Variants in GTPBP6 observed in about 807,000 individuals in gnomAD.
The protein encoded by GTPBP6 is GTP binding protein 6, also known as putative GTP-binding protein 6.
Under a neutral mutation model 28.9 loss-of-function variants are expected in GTPBP6, and 33 were observed. The ratio of observed to expected loss-of-function variants is 1.14; its 90% CI spans 0.87 to 1.53. GTPBP6 has a LOEUF of 1.53. GTPBP6 is among the 40% of genes most tolerant of loss of function. GTPBP6 has a pLI of 0.00. For synonymous variants in GTPBP6, 231 were observed against 192.7 expected (o/e 1.20, Z -1.65); for missense variants, 507 against 408.3 (o/e 1.24, Z -2.08).
At chrX:314,623 C>A (rs182884892) in intron 4 of GTPBP6, among the ~76,000 whole-genome samples, 99,065 of 151,318 alleles carry the variant, frequency 0.65, 33,499 homozygotes, top group African/African-American at 0.83. Context: ...CAGGCGCCCG[C>A]CACCACGCCC....
intron 8 of GTPBP6, 78 bp from the exon 9 acceptor site, chrX:307,590 GC>G: frequency 6.6e-7 from 1 of 1,507,222 alleles, no homozygotes; most frequent in Non-Finnish European, 9.0e-7. Flanking sequence ...GGAGTCCACT[GC>G]CCACGGGGCA....
chrX:313,370 T>C (rs2070354609), intron 5 of GTPBP6, among the ~76,000 whole-genome samples: 1 of 152,136 alleles, frequency 6.6e-6, no homozygotes, highest in Non-Finnish European at 1.5e-5. Flanking sequence ...ACGACCTGTG[T>C]CCTTCTAAGA....
At chrX:314,706 G>C (rs1455268648) in intron 4 of GTPBP6, among the ~76,000 whole-genome samples, 184 bp downstream of exon 4, 1 of 151,990 alleles carries the variant, frequency 6.6e-6, no homozygotes, top group African/African-American at 2.4e-5. Context: ...TCGATCTCGT[G>C]ACCTCGTGAT....
chrX:314,121 T>C (rs150438092), intron 5 of GTPBP6, 29 bp downstream of exon 5: 115,700 of 1,554,130 alleles, frequency 0.074, 6,354 homozygotes, highest in Admixed American at 0.23. Flanking sequence ...CCGAGGACCC[T>C]CTGGGACGCC....
At chrX:307,387 C>T (rs1032599715) in exon 9 of GTPBP6, 41 of 1,612,402 alleles carry the variant, frequency 2.5e-5, no homozygotes, top group Non-Finnish European at 2.9e-5. Flanking sequence ...GAGCCTCACA[C>T]GGAGAGTGAG....
intron 5 of GTPBP6, 149 bp from the exon 6 acceptor site, chrX:313,073 A>G: frequency 1.5e-6 from 1 of 652,714 alleles, no homozygotes. Context: ...CGGCCCCGAC[A>G]CGTCCTGTTC....
intron 9 of GTPBP6, among the ~76,000 whole-genome samples, chrX:306,336 T>G (rs2070163867): frequency 1.3e-5 from 2 of 150,452 alleles, no homozygotes; most frequent in South Asian, 4.2e-4. Flanking sequence ...CAGTGCAGAT[T>G]AGGCACCTGT....
intron 5 of GTPBP6, 32 bp from the exon 6 acceptor site, chrX:312,956 G>A: frequency 6.3e-7 from 1 of 1,592,498 alleles, no homozygotes; most frequent in Non-Finnish European, 8.6e-7. Context: ...GAGGCGGTGA[G>A]CCACGCCGGG....
intron 2 of GTPBP6, among the ~76,000 whole-genome samples, chrX:316,340 G>GACACACACACACACAC (rs1168593634): frequency 0.022 from 2,126 of 94,800 alleles, 96 homozygotes; most frequent in African/African-American, 0.04. Context: ...TCCCATTGGG[G>GACACACACACACACAC]ACACACACAC....
intron 7 of GTPBP6, 137 bp downstream of exon 7, chrX:311,274 CCTGGGCTG>C: frequency 7.2e-6 from 3 of 414,416 alleles, no homozygotes; most frequent in Non-Finnish European, 1.2e-5. Flanking sequence ...GGGCCTGGCC[CCTGGGCTG>C]AGTGGGTGTC....
intron 7 of GTPBP6, among the ~76,000 whole-genome samples, chrX:308,877 A>C (rs2070228040): frequency 6.6e-6 from 1 of 151,704 alleles, no homozygotes; most frequent in African/African-American, 2.4e-5. Context: ...CTGGGACTAC[A>C]GGCACCCGCC....
chrX:317,904 C>G (rs1270868032), intron 1 of GTPBP6, among the ~76,000 whole-genome samples: 7 of 148,394 alleles, frequency 4.7e-5, no homozygotes, highest in Non-Finnish European at 3.0e-5. Context: ...TCCCCCGAAC[C>G]CCACCCATGC....
chrX:318,524 C>T (rs1484660381), exon 1 of GTPBP6: 4 of 398,458 alleles, frequency 1.0e-5, no homozygotes, highest in Non-Finnish European at 1.8e-5. Flanking sequence ...GCAGCAGAGG[C>T]TCTCCCCGCA....
At chrX:309,814 G>C (rs953672454) in intron 7 of GTPBP6, among the ~76,000 whole-genome samples, 8 of 141,612 alleles carry the variant, frequency 5.6e-5, no homozygotes, top group Non-Finnish European at 1.1e-4. Flanking sequence ...TCTGGAACCT[G>C]TGAATGGGAC....
At chrX:314,989 A>G (rs2070402836) in exon 4 of GTPBP6, 1 of 398,578 alleles carries the variant, frequency 2.5e-6, no homozygotes, top group African/African-American at 2.1e-5. Flanking sequence ...GCGGTCAAAC[A>G]CCTCCACGCC....
At chrX:316,427 C>T (rs2070442392) in intron 2 of GTPBP6, among the ~76,000 whole-genome samples, 1 of 152,116 alleles carries the variant, frequency 6.6e-6, no homozygotes, top group Middle Eastern at 3.4e-3. Flanking sequence ...CTGACCCCCA[C>T]CTGGGCAGGT....
chrX:313,232 C>T (rs1569352850), intron 5 of GTPBP6, among the ~76,000 whole-genome samples: 5 of 152,376 alleles, frequency 3.3e-5, no homozygotes, highest in East Asian at 1.9e-4. Flanking sequence ...AGGACGTCAT[C>T]GTGAGCGGGC....
intron 6 of GTPBP6, chrX:312,558 C>G (rs755149079): frequency 1.3e-5 from 9 of 704,416 alleles, no homozygotes; most frequent in African/African-American, 7.0e-5. Context: ...CACACAGAGA[C>G]CACAGGAAAC....
chrX:316,867 G>A (rs1429191003), intron 2 of GTPBP6, 47 bp downstream of exon 2: 7 of 398,660 alleles, frequency 1.8e-5, no homozygotes, highest in African/African-American at 1.0e-4. Flanking sequence ...CGGTAGCGGC[G>A]GACAGGAAAG....
Sources: gnomAD v4.1 joint callset for allele counts (sites outside exome capture counted in the v4.1 genomes callset) on GRCh38, gnomAD v4.1.1 for gene constraint, MANE v1.5 for transcripts, NCBI Gene and HGNC (gene_info 2026-07-23, HGNC 2026-07-21) for gene names.